The following PRKG1 variants were observed in gnomAD, a reference collection of about 807,000 sequenced individuals.
PRKG1 encodes the protein protein kinase cGMP-dependent 1, also known as cGMP-dependent protein kinase 1.
A neutral mutation model predicts 88.1 loss-of-function variants in PRKG1; 35 were observed. The observed-to-expected ratio is 0.40, with a 90% CI of 0.30 to 0.53. The LOEUF (loss-of-function observed/expected upper bound fraction) is 0.53. Ranked by LOEUF, PRKG1 falls within the 20% of genes least tolerant of loss-of-function variation. PRKG1 has a pLI of 0.59. For synonymous variants in PRKG1, 303 were observed against 292.5 expected, an observed-to-expected ratio of 1.04 and a Z score of -0.37; for missense variants, 540 against 839.8, an observed-to-expected ratio of 0.64 and a Z score of 4.41.
In PRKG1 at chr10:51,785,338, C is replaced by T. The variant is rs140164788; in HGVS notation, c.593-19247C>T. On this transcript the variant is annotated intron_variant, in intron 3 of 17. Transcript: ENST00000373980. ...CACTGTTACTGTGGCATAACCCTGA[C>T]CATGGACGTTTTTCTTGTTCTTTGT... Among the ~76,000 whole-genome samples the T allele has an allele frequency of 5.7e-3, 859 of 151,914 alleles. 13 individuals carry two copies. Among genetic ancestry groups the T allele is most frequent in the Middle Eastern group, 0.02 (6 of 294 alleles).
rs75139821 is a variant in PRKG1 at position 51,472,257 on chromosome 10, G to A, written c.592+4421G>A. 4.6e-5 allele frequency among the ~76,000 whole-genome samples: 7 copies of A among 151,942 alleles called. No homozygotes were observed. The East Asian group carries it at 1.4e-3, about 29-fold the overall frequency. On this transcript the variant is annotated intron_variant, in intron 3 of 17. Transcript: ENST00000373980. ...TTATTTTTGTTTTTAAAATAAATTT[G>A]AGTCTATGTAGTGAAATGTCTTTAC...
At chr10:51,150,544 C>T (rs370231860) in intron 1 of PRKG1, among the ~76,000 whole-genome samples, 3 of 152,020 alleles carry the variant, frequency 2.0e-5, no homozygotes, top group East Asian at 3.9e-4. Flanking sequence ...TATCTTGCTG[C>T]GAGAGCAGAG....
intron 3 of PRKG1, among the ~76,000 whole-genome samples, chr10:51,714,802 A>G (rs761605443): frequency 1.3e-5 from 2 of 152,224 alleles, no homozygotes; most frequent in Non-Finnish European, 2.9e-5. Context: ...CAACCTAAAT[A>G]TATATTAACA....
intron 8 of PRKG1, among the ~76,000 whole-genome samples, chr10:52,158,656 T>A (rs1186737443): frequency 6.6e-6 from 1 of 151,646 alleles, no homozygotes; most frequent in African/African-American, 2.4e-5. Context: ...TGTATAATGG[T>A]TGACTTATTG....
At chr10:52,243,082 T>C (rs2132382437) in intron 9 of PRKG1, among the ~76,000 whole-genome samples, 1 of 152,286 alleles carries the variant, frequency 6.6e-6, no homozygotes, top group African/African-American at 2.4e-5. Context: ...GCTCTGATAT[T>C]TGAATTTTTA....
At chr10:51,169,984 A>G (rs1846658394) in intron 2 of PRKG1, among the ~76,000 whole-genome samples, 1 of 151,784 alleles carries the variant, frequency 6.6e-6, no homozygotes, top group African/African-American at 2.4e-5. Context: ...CTTGGCATAC[A>G]TGCTCTGAAG....
chr10:52,106,427 C>G (rs1231884481), intron 7 of PRKG1, among the ~76,000 whole-genome samples: 4 of 152,066 alleles, frequency 2.6e-5, no homozygotes, highest in Non-Finnish European at 1.5e-5. Context: ...GCAACCTTTT[C>G]CTCCAGAAAC....
intron 3 of PRKG1, among the ~76,000 whole-genome samples, chr10:51,728,452 TG>T (rs764480531): frequency 1.5e-4 from 14 of 94,742 alleles, no homozygotes; most frequent in African/African-American, 3.1e-4. Flanking sequence ...ATTTTTTCTT[TG>T]TTTTTTTTTT....
intron 8 of PRKG1, among the ~76,000 whole-genome samples, chr10:52,159,511 C>T (rs184561461): frequency 6.6e-6 from 1 of 151,664 alleles, no homozygotes; most frequent in Admixed American, 6.6e-5. Flanking sequence ...TAGATGGTTT[C>T]TACTTTTAAA....
chr10:51,029,904 CAT>C (rs1190772386), intron 1 of PRKG1, among the ~76,000 whole-genome samples: 9 of 152,054 alleles, frequency 5.9e-5, no homozygotes, highest in Non-Finnish European at 1.2e-4. Flanking sequence ...CACATGTTCT[CAT>C]GTGGGGAAGA....
intron 2 of PRKG1, among the ~76,000 whole-genome samples, chr10:51,412,964 A>G (rs888647115): frequency 2.0e-5 from 3 of 152,186 alleles, no homozygotes; most frequent in Admixed American, 1.3e-4. Context: ...GCTGTTACTG[A>G]GTAAGTGGCT....
At chr10:51,773,940 A>T (rs914851189) in intron 3 of PRKG1, among the ~76,000 whole-genome samples, 1 of 152,126 alleles carries the variant, frequency 6.6e-6, no homozygotes, top group Non-Finnish European at 1.5e-5. Context: ...AAGAATTTCT[A>T]TATTAGTAAG....
intron 7 of PRKG1, among the ~76,000 whole-genome samples, chr10:52,118,923 A>T (rs1847751158): frequency 6.6e-6 from 1 of 152,128 alleles, no homozygotes. Context: ...TTTCCTTAAA[A>T]TAACTACTTA....
At chr10:51,975,134 C>A (rs918958697) in intron 5 of PRKG1, among the ~76,000 whole-genome samples, 4 of 151,994 alleles carry the variant, frequency 2.6e-5, no homozygotes, top group Non-Finnish European at 4.4e-5. Context: ...TCTTCAATTG[C>A]AAGATATTTA....
intron 9 of PRKG1, among the ~76,000 whole-genome samples, chr10:52,232,281 C>T (rs969725392): frequency 2.6e-5 from 4 of 151,628 alleles, no homozygotes; most frequent in African/African-American, 4.8e-5. Flanking sequence ...CCAGCCTGGG[C>T]GACAGAGCTA....
intron 2 of PRKG1, among the ~76,000 whole-genome samples, chr10:51,231,988 T>A (rs1838858420): frequency 6.6e-6 from 1 of 152,186 alleles, no homozygotes; most frequent in Non-Finnish European, 1.5e-5. Context: ...TTGAAAACAG[T>A]AAACAGTCAT....
chr10:52,027,086 A>G (rs1319779582), intron 5 of PRKG1, among the ~76,000 whole-genome samples: 1 of 152,210 alleles, frequency 6.6e-6, no homozygotes, highest in Non-Finnish European at 1.5e-5. Context: ...GAAGACATGT[A>G]ACCTATAACT....
chr10:51,239,537 C>A (rs1487578720), intron 2 of PRKG1, among the ~76,000 whole-genome samples: 1 of 152,082 alleles, frequency 6.6e-6, no homozygotes, highest in South Asian at 2.1e-4. Context: ...TGAAATTATT[C>A]CCAACTTTAA....
chr10:51,424,186 T>A (rs562206496), intron 2 of PRKG1, among the ~76,000 whole-genome samples: 4 of 152,266 alleles, frequency 2.6e-5, no homozygotes, highest in African/African-American at 9.6e-5. Context: ...CAAACTGTTA[T>A]CCAGGGGTCA....
Sources: gnomAD v4.1 joint callset for allele counts (sites outside exome capture counted in the v4.1 genomes callset) on GRCh38, gnomAD v4.1.1 for gene constraint, MANE v1.5 for transcripts, NCBI Gene and HGNC (gene_info 2026-07-23, HGNC 2026-07-21) for gene names.